ABCA7: variants seen among roughly 807,000 people sequenced by gnomAD.
ABCA7 encodes phospholipid-transporting ATPase ABCA7.
A neutral mutation model predicts 227.6 loss-of-function variants in ABCA7; 261 were observed. That is an observed-to-expected ratio of 1.15 (90% CI 1.04 to 1.27). ABCA7 has a LOEUF of 1.27. ABCA7 is among the 50% of genes most tolerant of loss of function. ABCA7 has a pLI of 0.00. For missense variants in ABCA7, 3,331 were observed against 2,924.5 expected (o/e 1.14, Z -3.21); for synonymous variants, 1,488 against 1,279.7 (o/e 1.16, Z -3.47).
chr19:1,055,250 G>T lies in ABCA7; in HGVS notation c.4104G>T (p.Pro1368=). Residue 1368 remains proline (P), a synonymous_variant, in exon 30 of 47, where the codon CCG becomes CCT. Coordinates refer to ENST00000263094, the MANE Select transcript of ABCA7 (RefSeq NM_019112.4). ...CGGCTGCAGCTGGTGGTCCCCCTCC[G>T]CCCCAGGCAGTGACCGGCTCTGGGG... ...DCPAAAGGPP[P]PQAVTGSGEV... 1 of 1,603,318 alleles carries T rather than the reference G, an allele frequency of 6.2e-7. No individual in the cohort carries two copies.
Position 1,061,882 on chromosome 19 carries a change from G to A in ABCA7, c.5564G>A (p.Gly1855Asp). ...AGCAGGGGCGAGGCTGTGCTGGCAG[G>A]CCACAGGTGAGGGGTGCCAGGTAGG... ...LASRGEAVLA[G>D]HSVAREPSAA... Residue 1855 changes from glycine to aspartate, a missense_variant, in exon 41 of 47, where the codon GGC becomes GAC. Gly to Asp is a moderately conservative substitution (Grantham distance 94). Transcript: ENST00000263094. 2 of 1,589,612 alleles carry A rather than the reference G, an allele frequency of 1.3e-6. No homozygotes were observed. Among genetic ancestry groups the A allele is most frequent in the East Asian group, 2.2e-5 (1 of 44,760 alleles).
intron 40 of ABCA7, among the ~76,000 whole-genome samples, chr19:1,060,522 CTTT>C (rs546964567): frequency 4.4e-5 from 6 of 135,136 alleles, no homozygotes; most frequent in Admixed American, 1.5e-4. Context: ...TTGTTTTTTT[CTTT>C]TTTTTTTTTT....
chr19:1,047,715 A>G, intron 16 of ABCA7, 61 bp downstream of exon 16: 1 of 1,206,426 alleles, frequency 8.3e-7, no homozygotes, highest in Non-Finnish European at 1.1e-6. Flanking sequence ...AGGCTGAGCT[A>G]GGGGTGTGGC....
Position 1,047,640 on chromosome 19 carries a change from A to C in ABCA7, c.2255A>C (p.Glu752Ala), listed in dbSNP as rs750707416. The C allele has an allele frequency of 1.3e-6, 2 of 1,597,194 alleles. No homozygotes were observed. The highest frequency in any genetic ancestry group is 1.7e-6 in the Non-Finnish European group (2 of 1,176,700). The change falls in exon 16 of 47, where the codon GAA becomes GCA. Residue 752 changes from glutamate to alanine, a missense_variant. Physicochemically the swap from Glu to Ala is moderately radical, Grantham distance 107 (BLOSUM62 -1). Coordinates refer to ENST00000263094, the MANE Select transcript of ABCA7 (RefSeq NM_019112.4). ...ALYGLATWYL[E>A]AVCPGQYGIP... ...TACGGCCTCGCCACCTGGTACCTGG[A>C]AGCTGTGTGCCCAGGTGGGCCGTAG...
In ABCA7 at chr19:1,044,904, G is replaced by C. The variant is rs2040459426; in HGVS notation, c.1216-98G>C. The C allele has an allele frequency of 1.4e-5, 21 of 1,522,054 alleles. No homozygotes were observed. The South Asian group carries it at 2.4e-4, about 18-fold the overall frequency. 94.3% of individuals were successfully genotyped at this position (1,522,054 alleles called of 1,614,324 possible). On this transcript the variant is annotated intron_variant, in intron 11 of 46. Coordinates refer to ENST00000263094, the MANE Select transcript of ABCA7 (RefSeq NM_019112.4). ...GGGAGCCGGCCGTGGGCCTACGAGG[G>C]GAAAACATGGCCCAGCCCCGAGGTC...
At chr19:1,057,642 T>C (rs1409486435) in intron 35 of ABCA7, among the ~76,000 whole-genome samples, 1 of 152,096 alleles carries the variant, frequency 6.6e-6, no homozygotes, top group African/African-American at 2.4e-5. Context: ...AGGCAGCCCA[T>C]GCCTGTAATT....
intron 41 of ABCA7, 130 bp downstream of exon 41, chr19:1,062,018 G>C: frequency 7.0e-7 from 1 of 1,431,308 alleles, no homozygotes; most frequent in Admixed American, 2.1e-5. Context: ...TGAGACCCCT[G>C]CACCTCTACC....
intron 44 of ABCA7, 76 bp from the exon 45 acceptor site, chr19:1,064,085 C>A: frequency 6.9e-7 from 1 of 1,451,250 alleles, no homozygotes; most frequent in South Asian, 1.3e-5. Context: ...TGGCCCAGGC[C>A]GGGGGAAGCA....
In ABCA7 at chr19:1,054,018, G is replaced by A; in HGVS notation, c.3485G>A (p.Gly1162Glu). The stretch of plus-strand genomic sequence containing the variant: ...GATGGCCCTGCAGATGGCAGCTGCG[G>A]GCAGCACCTATGCACAGGCATTGCT... ...ADTDMEDGSC[G>E]QHLCTGIAGL... Residue 1162 changes from glycine to glutamate, a missense_variant, in exon 26 of 47, where the codon GGG (glycine) becomes GAG (glutamate). By Grantham distance (98) the Gly-to-Glu change is moderately conservative (BLOSUM62 -2). Transcript: ENST00000263094. This position sits in a 1 kb window ranked among gnomAD's most constrained non-coding sequence, Gnocchi z 4.8. 4 of 1,613,272 alleles carry A rather than the reference G, an allele frequency of 2.5e-6. No homozygotes were observed. Among genetic ancestry groups the A allele is most frequent in the Non-Finnish European group, 3.4e-6 (4 of 1,179,928 alleles).
In ABCA7 at chr19:1,052,210, G is replaced by A. The variant is rs142077993; in HGVS notation, c.3148-4G>A. 1.8e-4 allele frequency: 280 copies of A among 1,588,838 alleles called. No individual in the cohort carries two copies. The highest frequency in any genetic ancestry group is 2.2e-4 in the Non-Finnish European group (256 of 1,168,726). The stretch of plus-strand genomic sequence containing the variant: ...CAAGCCACTTGGTGCCTCTCTGCCC[G>A]CAGGCTGACACTGACATGGAGGGCA... On this transcript the variant is annotated splice_region_variant and splice_polypyrimidine_tract_variant and intron_variant, in intron 22 of 46. Transcript: ENST00000263094.
chr19:1,048,952 G>A lies in ABCA7; in HGVS notation c.2327G>A (p.Gly776Glu), dbSNP rs775847234. Residue 776 changes from glycine (G) to glutamate (E), a missense_variant, in exon 17 of 47, where the codon GGA (glycine) becomes GAA (glutamate). By Grantham distance (98) the Gly-to-Glu change is moderately conservative. Coordinates refer to ENST00000263094, the MANE Select transcript of ABCA7 (RefSeq NM_019112.4). ...NFPFRRSYWC[G>E]PRPPKSPAPC... is the part of the protein sequence containing the mutation. ...CCTTTTCGGAGGAGCTACTGGTGCG[G>A]ACCTCGGCCCCCCAAGAGTCCAGCC... is the stretch of plus-strand genomic sequence containing the variant. The A allele has an allele frequency of 1.2e-6, 2 of 1,609,712 alleles. No individual in the cohort carries two copies. The highest frequency in any genetic ancestry group is 1.7e-4 in the Middle Eastern group (1 of 5,918).
chr19:1,057,114 C>A, intron 34 of ABCA7, 30 bp downstream of exon 34: 3 of 1,598,450 alleles, frequency 1.9e-6, no homozygotes, highest in Non-Finnish European at 2.6e-6. Context: ...GGGTGGGGGC[C>A]CAGCCACTGC....
intron 17 of ABCA7, 33 bp downstream of exon 17, chr19:1,049,038 C>T: frequency 1.6e-6 from 2 of 1,241,816 alleles, no homozygotes; most frequent in East Asian, 2.5e-5. Context: ...AGCTGGTTGT[C>T]CACATATGCC....
In ABCA7 at chr19:1,059,603, G is replaced by A. The variant is rs372326713; in HGVS notation, c.5463+518G>A. Among the ~76,000 whole-genome samples, 13 of 115,364 alleles carry A rather than the reference G, an allele frequency of 1.1e-4. No individual in the cohort carries two copies. In the South Asian group the frequency reaches 2.9e-3, roughly 26 times the overall value. The allele number at this position is 115,364 out of a possible 152,430, so 75.7% of individuals were successfully genotyped here. A position where few individuals can be genotyped will look rare whatever the true frequency, so the allele number is the denominator to read the frequency against. On this transcript the variant is annotated intron_variant, in intron 40 of 46. Coordinates refer to ENST00000263094, the MANE Select transcript of ABCA7 (RefSeq NM_019112.4). ...TTTAGAGACGGAGTCTCACTCTGTC[G>A]CCCAGGCTGGAGTGCAGTGGTGAGA... is the stretch of plus-strand genomic sequence containing the variant.
rs1440192631 is a variant in ABCA7 at position 1,048,886 on chromosome 19, T to C, written c.2270-9T>C. ...TGGGCTAAGCAATAACCCGCGCCCC[T>C]CCCCGCAGGCCAGTACGGGATCCCT... On this transcript the variant is annotated splice_polypyrimidine_tract_variant and intron_variant, in intron 16 of 46. Coordinates refer to ENST00000263094, the MANE Select transcript of ABCA7 (RefSeq NM_019112.4). 1.7e-5 allele frequency: 26 copies of C among 1,552,872 alleles called. No homozygotes were observed. The highest frequency in any genetic ancestry group is 3.4e-4 in the Middle Eastern group (2 of 5,854).
rs1443338124 is a variant in ABCA7 at position 1,065,147 on chromosome 19, C to T, written c.6261C>T (p.Ser2087=). ...HGAEHGVEDF[S]VSQTMLEEVF... is the part of the protein sequence containing the mutation. ...CAGAGCACGGCGTGGAGGACTTTTC[C>T]GTGAGCCAGACGATGCTGGAGGAGG... Residue 2087 remains serine, a synonymous_variant, in exon 46 of 47, where the codon TCC becomes TCT. Coordinates refer to ENST00000263094, the MANE Select transcript of ABCA7 (RefSeq NM_019112.4). 9 of 1,591,798 alleles carry T rather than the reference C, an allele frequency of 5.7e-6. No individual in the cohort carries two copies. Among genetic ancestry groups the T allele is most frequent in the South Asian group, 2.2e-5 (2 of 89,412 alleles).
Position 1,058,004 on chromosome 19 carries a change from T to A in ABCA7, c.4970T>A (p.Phe1657Tyr). The A allele has an allele frequency of 3.7e-6, 6 of 1,614,076 alleles. No individual in the cohort carries two copies. The highest frequency in any genetic ancestry group is 5.1e-6 in the Non-Finnish European group (6 of 1,180,024). Reference protein sequence around the residue: ...AYVVLTCINLFIGINGSMATF... With the variant: ...AYVVLTCINLYIGINGSMATF... ...GTGGTGCTCACCTGCATAAACCTCT[T>A]TATTGGCATCAATGGAAGCATGGCC... is the stretch of plus-strand genomic sequence containing the variant. The change falls in exon 36 of 47, where the codon TTT becomes TAT. Residue 1657 changes from phenylalanine (F) to tyrosine (Y), a missense_variant. By Grantham distance (22) the Phe-to-Tyr change is conservative (BLOSUM62 3). Coordinates refer to ENST00000263094, the MANE Select transcript of ABCA7 (RefSeq NM_019112.4).
chr19:1,053,520 A>G lies in ABCA7; in HGVS notation c.3412A>G (p.Ser1138Gly). The G allele has an allele frequency of 1.3e-6, 2 of 1,564,680 alleles. No homozygotes were observed. The highest frequency in any genetic ancestry group is 1.4e-5 in the African/African-American group (1 of 73,846). ...CACTGGCTACGGGATCTCCGACACCAGCCTCGAGGAGGTGTGAGGCCTGGG... is the reference window on the plus strand; with the variant it reads ...CACTGGCTACGGGATCTCCGACACCGGCCTCGAGGAGGTGTGAGGCCTGGG... ...RLTGYGISDT[S>G]LEEIFLKVVE... The change falls in exon 24 of 47, where the codon AGC becomes GGC. Residue 1138 changes from serine to glycine, a missense_variant. Ser to Gly is a moderately conservative substitution (Grantham distance 56). Coordinates refer to ENST00000263094, the MANE Select transcript of ABCA7 (RefSeq NM_019112.4).
chr19:1,057,648 T>G (rs2042369160), intron 35 of ABCA7, among the ~76,000 whole-genome samples: 1 of 152,030 alleles, frequency 6.6e-6, no homozygotes, highest in Non-Finnish European at 1.5e-5. Context: ...CCCATGCCTG[T>G]AATTCCAGTA....
Sources: gnomAD v4.1 joint callset for allele counts (sites outside exome capture counted in the v4.1 genomes callset) on GRCh38, gnomAD v4.1.1 for gene constraint, Gnocchi (gnomAD v3.1) non-coding constraint, MANE v1.5 for transcripts, NCBI Gene and HGNC (gene_info 2026-07-23, HGNC 2026-07-21) for gene names.